The following MGAT4C variants were observed in gnomAD, a reference collection of about 807,000 sequenced individuals.
MGAT4C encodes MGAT4 family member C.
A neutral mutation model predicts 40.1 loss-of-function variants in MGAT4C; 19 were observed. The observed-to-expected ratio is 0.47, with a 90% CI of 0.33 to 0.70. The LOEUF is 0.70. Ranked by LOEUF, MGAT4C falls within the 30% of genes least tolerant of loss-of-function variation. The probability of loss-of-function intolerance (pLI) is 0.02; values close to 1 mark genes in which losing one functional copy is unlikely to be tolerated. For missense variants in MGAT4C, 491 were observed against 563.2 expected, an observed-to-expected ratio of 0.87 and a Z score of 1.30; for synonymous variants, 181 against 187.1, an observed-to-expected ratio of 0.97 and a Z score of 0.27.
intron 1 of MGAT4C, among the ~76,000 whole-genome samples, chr12:86,120,220 AT>A (rs553151226): frequency 1.1e-4 from 9 of 83,282 alleles, no homozygotes; most frequent in African/African-American, 3.8e-4. Flanking sequence ...TATTATTTTT[AT>A]TTTATTTTAT....
intron 2 of MGAT4C, among the ~76,000 whole-genome samples, chr12:86,722,295 A>G (rs181268240): frequency 1.3e-5 from 2 of 152,246 alleles, no homozygotes; most frequent in Middle Eastern, 3.4e-3. Flanking sequence ...TCTTTTCCCA[A>G]AGATCCTAAA....
At chr12:86,425,109 C>T (rs773734370) in intron 3 of MGAT4C, among the ~76,000 whole-genome samples, 3 of 152,046 alleles carry the variant, frequency 2.0e-5, no homozygotes, top group Non-Finnish European at 4.4e-5. Flanking sequence ...ATTCAAATTC[C>T]CATACTCATT....
chr12:86,268,222 G>C (rs1459811565), intron 4 of MGAT4C, among the ~76,000 whole-genome samples: 3 of 152,050 alleles, frequency 2.0e-5, no homozygotes, highest in African/African-American at 7.2e-5. Flanking sequence ...AAATTTTACA[G>C]ATGTGAAAAA....
intron 2 of MGAT4C, among the ~76,000 whole-genome samples, chr12:86,636,611 G>A (rs1394084919): frequency 6.6e-6 from 1 of 151,954 alleles, no homozygotes; most frequent in Non-Finnish European, 1.5e-5. Context: ...AAATATCCAA[G>A]GGGTTAACTG....
At chr12:86,338,201 C>A (rs1294043713) in intron 3 of MGAT4C, among the ~76,000 whole-genome samples, 1 of 152,052 alleles carries the variant, frequency 6.6e-6, no homozygotes, top group Admixed American at 6.6e-5. Context: ...AAGGGTAAGC[C>A]AGCAAACTGG....
chr12:86,157,865 CAT>C (rs908901848), intron 1 of MGAT4C, among the ~76,000 whole-genome samples: 3 of 152,128 alleles, frequency 2.0e-5, no homozygotes, highest in African/African-American at 7.2e-5. Flanking sequence ...CCTCCTCCGA[CAT>C]GTGGGGATTA....
intron 1 of MGAT4C, among the ~76,000 whole-genome samples, chr12:86,176,451 CA>C (rs1887442740): frequency 6.6e-6 from 1 of 152,066 alleles, no homozygotes; most frequent in Admixed American, 6.6e-5. Context: ...CAATACTTAC[CA>C]AAATGTAATT....
chr12:86,738,565 T>C (rs181260129), intron 1 of MGAT4C, among the ~76,000 whole-genome samples: 152 of 151,372 alleles, frequency 1.0e-3, no homozygotes, highest in African/African-American at 3.4e-3. Context: ...ATTCATTCAA[T>C]TTTATAGTCA....
At chr12:86,096,751 C>G (rs190447163) in intron 1 of MGAT4C, among the ~76,000 whole-genome samples, 1 of 151,460 alleles carries the variant, frequency 6.6e-6, no homozygotes, top group East Asian at 1.9e-4. Flanking sequence ...ATTCTCTTTT[C>G]TTTATAATAA....
intron 1 of MGAT4C, among the ~76,000 whole-genome samples, chr12:86,201,450 T>C (rs140840754): frequency 0.03 from 2,426 of 81,958 alleles, 34 homozygotes; most frequent in South Asian, 0.069. Context: ...TTTAAAATTA[T>C]ATTTACATAT....
Position 86,516,040 on chromosome 12 carries a change from G to A in MGAT4C, c.-228-80775C>T, listed in dbSNP as rs561854813. 6.6e-5 allele frequency among the ~76,000 whole-genome samples: 10 copies of A among 151,700 alleles called. No homozygotes were observed. In the South Asian group the frequency reaches 1.5e-3, roughly 22 times the overall value. Reference sequence around the variant, plus strand: ...ATTACAGGTGTGAGCCATCGCGCCCGGCCCATTTAAAGCAATTCTTATCAA... The same window carrying A: ...ATTACAGGTGTGAGCCATCGCGCCCAGCCCATTTAAAGCAATTCTTATCAA... On this transcript the variant is annotated intron_variant, in intron 2 of 7. Transcript: ENST00000548651.
At chr12:86,683,178 GT>G (rs956186813) in intron 2 of MGAT4C, among the ~76,000 whole-genome samples, 1 of 151,960 alleles carries the variant, frequency 6.6e-6, no homozygotes, top group Admixed American at 6.6e-5. Context: ...ATAGGGTGGG[GT>G]TAAAAGTATT....
At chr12:86,149,421 T>TA (rs1206747561) in intron 1 of MGAT4C, among the ~76,000 whole-genome samples, 2 of 152,216 alleles carry the variant, frequency 1.3e-5, no homozygotes, top group Non-Finnish European at 2.9e-5. Flanking sequence ...AACCAAAGTT[T>TA]ACATTTAAAA....
intron 2 of MGAT4C, among the ~76,000 whole-genome samples, chr12:86,653,938 T>C (rs1963769794): frequency 6.6e-6 from 1 of 151,820 alleles, no homozygotes; most frequent in Non-Finnish European, 1.5e-5. Flanking sequence ...ATATTGCAAG[T>C]GCTAATAAGA....
At chr12:86,334,849 A>G (rs1399764965) in intron 3 of MGAT4C, among the ~76,000 whole-genome samples, 4 of 152,140 alleles carry the variant, frequency 2.6e-5, no homozygotes, top group African/African-American at 9.6e-5. Flanking sequence ...GTAATTTCTT[A>G]GAAGTTTTAG....
At chr12:86,247,719 C>A (rs1259797997) in intron 1 of MGAT4C, among the ~76,000 whole-genome samples, 1 of 152,014 alleles carries the variant, frequency 6.6e-6, no homozygotes, top group African/African-American at 2.4e-5. Flanking sequence ...AGTGGTGGAA[C>A]TGAAGAAGAA....
rs1201499631 is a variant in MGAT4C at position 86,020,919 on chromosome 12, T to C, written c.-7+28755A>G. Among the ~76,000 whole-genome samples, 5 of 152,226 alleles carry C rather than the reference T, an allele frequency of 3.3e-5. No individual in the cohort carries two copies. The East Asian group carries it at 7.7e-4, about 24-fold the overall frequency. On this transcript the variant is annotated intron_variant, in intron 2 of 4. Coordinates refer to ENST00000611864, the MANE Select transcript of MGAT4C (RefSeq NM_001351288.2). ...AAAAACAAACAACCCCATCAAAAAG[T>C]GGGCAGAGGATATGAACAGACACTT...
At chr12:86,233,702 T>C (rs1951419366) in intron 1 of MGAT4C, among the ~76,000 whole-genome samples, 1 of 152,160 alleles carries the variant, frequency 6.6e-6, no homozygotes, top group African/African-American at 2.4e-5. Context: ...ATAGGTATGA[T>C]ATGAGCATTT....
intron 2 of MGAT4C, among the ~76,000 whole-genome samples, chr12:86,015,191 T>C (rs1888956041): frequency 6.6e-6 from 1 of 151,580 alleles, no homozygotes; most frequent in Admixed American, 6.6e-5. Flanking sequence ...AATGGTTACA[T>C]TAAATAATAA....
Sources: allele counts gnomAD v4.1 joint callset (sites outside exome capture counted in the v4.1 genomes callset), GRCh38; gene constraint gnomAD v4.1.1; transcripts MANE v1.5; gene names NCBI Gene and HGNC (gene_info 2026-07-23, HGNC 2026-07-21).